Variants in INVS observed in about 807,000 individuals in gnomAD.
The protein encoded by INVS is inversion of embryo turning homolog.
Under a neutral mutation model 108.8 loss-of-function variants are expected in INVS, and 86 were observed. That is an observed-to-expected ratio of 0.79 (90% CI 0.66 to 0.95). The LOEUF is 0.95. Among genes scored for constraint, INVS ranks in the 40% least tolerant of loss-of-function variants. The pLI, the probability that INVS is intolerant of heterozygous loss-of-function variation, is 0.00. For synonymous variants in INVS, 455 were observed against 473.5 expected (o/e 0.96, Z 0.51); for missense variants, 1,169 against 1,297.4 (o/e 0.90, Z 1.52).
chr9:100,271,357 T>TA (rs1452144224), intron 11 of INVS, among the ~76,000 whole-genome samples: 1 of 152,216 alleles, frequency 6.6e-6, no homozygotes, highest in African/African-American at 2.4e-5. Flanking sequence ...GATATCTTCA[T>TA]TATATGGATG....
chr9:100,175,394 A>T, intron 3 of INVS: 1 of 858,288 alleles, frequency 1.2e-6, no homozygotes, highest in Non-Finnish European at 2.0e-6. Flanking sequence ...AGAGCACCGC[A>T]AAAAAGGAAG....
At chr9:100,165,738 G>A (rs1452498527) in intron 3 of INVS, among the ~76,000 whole-genome samples, 1 of 152,032 alleles carries the variant, frequency 6.6e-6, no homozygotes, top group African/African-American at 2.4e-5. Context: ...TTGGCCTGTG[G>A]GAGGCCTGTC....
intron 1 of INVS, among the ~76,000 whole-genome samples, chr9:100,100,917 T>TATA (rs1491176860): frequency 5.3e-5 from 2 of 37,400 alleles, no homozygotes; most frequent in African/African-American, 3.7e-4. Flanking sequence ...ATATATTATA[T>TATA]GTATATATAT....
At position 100,120,247 on chromosome 9, in the gene INVS, C is replaced by A. The variant is rs552418737; in HGVS notation, c.107-6136C>A. Among the ~76,000 whole-genome samples the A allele has an allele frequency of 4.5e-4, 68 of 152,244 alleles. 1 individual carries two copies. Among genetic ancestry groups the A allele is most frequent in the Admixed American group, 8.5e-4 (13 of 15,288 alleles). On this transcript the variant is annotated intron_variant, in intron 2 of 16. Coordinates refer to ENST00000262457, the MANE Select transcript of INVS (RefSeq NM_014425.5). ...TATATTCGAGTTATTCAAATACATT[C>A]AAACTTACACAGATTCCTTATAAAT...
chr9:100,132,362 C>T (rs905549325), intron 3 of INVS, among the ~76,000 whole-genome samples: 1 of 152,154 alleles, frequency 6.6e-6, no homozygotes, highest in Non-Finnish European at 1.5e-5. Flanking sequence ...TTTTCACTAT[C>T]CACTCCCTGC....
At chr9:100,271,719 T>A (rs183171335) in intron 11 of INVS, among the ~76,000 whole-genome samples, 159 of 152,338 alleles carry the variant, frequency 1.0e-3, no homozygotes, top group South Asian at 2.3e-3. Context: ...CATATTTCTC[T>A]TAAATGAGTG....
chr9:100,162,156 T>C (rs2119014958), intron 3 of INVS, among the ~76,000 whole-genome samples: 1 of 152,364 alleles, frequency 6.6e-6, no homozygotes, highest in Middle Eastern at 3.4e-3. Context: ...AAATGCAGTC[T>C]ATGCTCTAAC....
chr9:100,100,912 T>TATATATTA lies in INVS; in HGVS notation c.-25+1496_-25+1497insATATATTA, dbSNP rs1564112207. ...AATATATATTATATATGTATATATA[T>TATATATTA]TATATGTATATATATAATATATATA... On this transcript the variant is annotated intron_variant, in intron 1 of 16. Coordinates refer to ENST00000262457, the MANE Select transcript of INVS (RefSeq NM_014425.5). Among the ~76,000 whole-genome samples the TATATATTA allele has an allele frequency of 4.6e-4, 9 of 19,778 alleles. 1 individual carries two copies. Among genetic ancestry groups the TATATATTA allele is most frequent in the African/African-American group, 3.3e-3 (8 of 2,414 alleles). 13.0% of individuals were successfully genotyped at this position (19,778 alleles called of 152,430 possible).
chr9:100,240,844 GTT>G (rs1831847816), intron 6 of INVS, among the ~76,000 whole-genome samples: 1 of 151,410 alleles, frequency 6.6e-6, no homozygotes, highest in Non-Finnish European at 1.5e-5. Flanking sequence ...GTTTTGTTTT[GTT>G]TTGTTTCCTG....
chr9:100,214,789 C>G (rs1830935924), intron 3 of INVS: 2 of 152,240 alleles, frequency 1.3e-5, no homozygotes, highest in East Asian at 3.8e-4. Context: ...TGGCTGGCCT[C>G]AGCTGCTGTT....
chr9:100,245,095 G>C (rs1052022278), intron 7 of INVS, among the ~76,000 whole-genome samples: 3 of 152,120 alleles, frequency 2.0e-5, no homozygotes, highest in African/African-American at 7.2e-5. Context: ...ACAGCCTCCA[G>C]CACTTTTTGT....
chr9:100,113,699 T>C (rs1447891440), intron 2 of INVS, among the ~76,000 whole-genome samples: 2 of 152,176 alleles, frequency 1.3e-5, no homozygotes, highest in Non-Finnish European at 2.9e-5. Context: ...ATTTAGCATA[T>C]GCATTAACTC....
Position 100,240,215 on chromosome 9 carries a change from C to G in INVS, c.771C>G (p.Thr257=). Reference sequence around the variant, plus strand: ...CGTCTTATGATAACTTATTTCGAACCCCACTGCACTGGGCAGCTTTATTAG... The same window carrying G: ...CGTCTTATGATAACTTATTTCGAACGCCACTGCACTGGGCAGCTTTATTAG... ...NITSYDNLFR[T]PLHWAALLGH... is the part of the protein sequence containing the mutation. Residue 257 remains threonine (T), a synonymous_variant, in exon 6 of 17, where the codon ACC becomes ACG. Coordinates refer to ENST00000262457, the MANE Select transcript of INVS (RefSeq NM_014425.5). 1 of 1,613,938 alleles carries G rather than the reference C, an allele frequency of 6.2e-7. No homozygotes were observed. The highest frequency in any genetic ancestry group is 8.5e-7 in the Non-Finnish European group (1 of 1,179,924).
chr9:100,225,964 C>T, intron 3 of INVS, 98 bp from the exon 4 acceptor site: 1 of 799,822 alleles, frequency 1.3e-6, no homozygotes. Flanking sequence ...TGTTATTACT[C>T]TAGGAGAATA....
At chr9:100,237,432 G>A (rs1487239879) in intron 5 of INVS, among the ~76,000 whole-genome samples, 1 of 152,154 alleles carries the variant, frequency 6.6e-6, no homozygotes, top group Non-Finnish European at 1.5e-5. Flanking sequence ...AGCTAGCTCA[G>A]TGTCTGCCCA....
chr9:100,169,738 C>T (rs1477437985), intron 3 of INVS, among the ~76,000 whole-genome samples: 6 of 152,042 alleles, frequency 3.9e-5, no homozygotes, highest in Non-Finnish European at 8.8e-5. Flanking sequence ...ACAGTAATGC[C>T]AAGAGTATGT....
intron 12 of INVS, among the ~76,000 whole-genome samples, chr9:100,276,400 C>G (rs1202673818): frequency 6.6e-6 from 1 of 152,196 alleles, no homozygotes; most frequent in Non-Finnish European, 1.5e-5. Context: ...GTCTGTCTCT[C>G]TTCTGGCCTT....
intron 3 of INVS, among the ~76,000 whole-genome samples, chr9:100,135,886 T>A (rs1050236030): frequency 1.3e-5 from 2 of 151,964 alleles, no homozygotes; most frequent in Admixed American, 1.3e-4. Context: ...AACACCAATA[T>A]TTAAGGTTTA....
chr9:100,290,512 G>A (rs1833579149), intron 13 of INVS, among the ~76,000 whole-genome samples: 1 of 151,944 alleles, frequency 6.6e-6, no homozygotes, highest in Non-Finnish European at 1.5e-5. Context: ...ACCATGTCCA[G>A]CTAATTTTTT....
Sources: gnomAD v4.1 joint callset for allele counts (sites outside exome capture counted in the v4.1 genomes callset) on GRCh38, gnomAD v4.1.1 for gene constraint, MANE v1.5 for transcripts, NCBI Gene and HGNC (gene_info 2026-07-23, HGNC 2026-07-21) for gene names.